The following DIP2C variants were observed in gnomAD, a reference collection of about 807,000 sequenced individuals.
DIP2C encodes disco-interacting protein 2 homolog C.
A neutral mutation model predicts 192.4 loss-of-function variants in DIP2C; 33 were observed. The observed-to-expected ratio is 0.17, with a 90% CI of 0.13 to 0.23. The LOEUF is 0.23. DIP2C is among the 10% of genes least tolerant of loss of function. The pLI is 1.00. For missense variants in DIP2C, 1,537 were observed against 2,110.1 expected (o/e 0.73, Z 5.32); for synonymous variants, 979 against 864.1 (o/e 1.13, Z -2.33).
At chr10:670,338 G>A (rs112944582) in intron 1 of DIP2C, among the ~76,000 whole-genome samples, 196 of 151,810 alleles carry the variant, frequency 1.3e-3, no homozygotes, top group African/African-American at 2.5e-3. Context: ...ACATGCGCAC[G>A]CGTACATGCA....
At chr10:384,720 A>G in intron 14 of DIP2C, 81 bp from the exon 15 acceptor site, 1 of 1,401,400 alleles carries the variant, frequency 7.1e-7, no homozygotes, top group Non-Finnish European at 1.0e-6. Context: ...CATGGACACT[A>G]GGCCGCACGG....
chr10:283,869 G>A (rs570898394), intron 34 of DIP2C, among the ~76,000 whole-genome samples: 2 of 152,092 alleles, frequency 1.3e-5, no homozygotes, highest in East Asian at 3.9e-4. Context: ...AATACTTTTG[G>A]ACATATATTG....
chr10:337,920 G>C (rs921456321), intron 29 of DIP2C, among the ~76,000 whole-genome samples: 2 of 149,424 alleles, frequency 1.3e-5, no homozygotes, highest in East Asian at 4.0e-4. Context: ...GGCCTAGGCT[G>C]ATGTGTATGT....
intron 1 of DIP2C, among the ~76,000 whole-genome samples, chr10:499,993 C>T (rs1263969992): frequency 6.6e-6 from 1 of 152,210 alleles, no homozygotes; most frequent in Non-Finnish European, 1.5e-5. Flanking sequence ...ACCCTAAGCC[C>T]AGCTCTTGCT....
chr10:351,237 C>T (rs922063236), intron 24 of DIP2C, among the ~76,000 whole-genome samples: 5 of 152,212 alleles, frequency 3.3e-5, no homozygotes, highest in African/African-American at 4.8e-5. Context: ...GGGAAAAGCA[C>T]GTCAGCCTCC....
chr10:285,153 CAAAAA>C (rs34031685), intron 34 of DIP2C, among the ~76,000 whole-genome samples: 5 of 124,564 alleles, frequency 4.0e-5, no homozygotes, highest in Admixed American at 8.2e-5. Flanking sequence ...AGTGAGGGGC[CAAAAA>C]AAAAAAAAAA....
In DIP2C at chr10:639,822, C is replaced by A. The variant is rs1033577817; in HGVS notation, c.85+49672G>T. On this transcript the variant is annotated intron_variant, in intron 1 of 36. Coordinates refer to ENST00000280886, the MANE Select transcript of DIP2C (RefSeq NM_014974.3). ...ACACAAATCAGCGACATCACTAGAACGTGTTTTGGACCACGAAAAGAAGGA... is the reference window on the plus strand; with the variant it reads ...ACACAAATCAGCGACATCACTAGAAAGTGTTTTGGACCACGAAAAGAAGGA... 6.6e-5 allele frequency among the ~76,000 whole-genome samples: 10 copies of A among 152,342 alleles called. No homozygotes were observed. The South Asian group carries it at 2.1e-3, about 32-fold the overall frequency.
intron 10 of DIP2C, among the ~76,000 whole-genome samples, chr10:394,423 T>TGG (rs1589693620): frequency 3.0e-5 from 2 of 66,588 alleles, no homozygotes; most frequent in Non-Finnish European, 5.9e-5. Context: ...GGACATTACA[T>TGG]CACACAGTGG....
At chr10:640,734 TGGGCGC>T (rs1855141571) in intron 1 of DIP2C, among the ~76,000 whole-genome samples, 1 of 2,140 alleles carries the variant, frequency 4.7e-4, no homozygotes, top group African/African-American at 1.2e-3. Context: ...GGGAAGAGGG[TGGGCGC>T]CGGGAAGAGG....
intron 3 of DIP2C, among the ~76,000 whole-genome samples, chr10:441,954 A>T (rs1259995077): frequency 1.5e-5 from 1 of 67,186 alleles, no homozygotes; most frequent in Non-Finnish European, 5.2e-5. Flanking sequence ...GACGGGGTAG[A>T]GAATTAAAGC....
intron 1 of DIP2C, among the ~76,000 whole-genome samples, chr10:540,508 TTC>T (rs930570922): frequency 6.6e-6 from 1 of 152,176 alleles, no homozygotes; most frequent in African/African-American, 2.4e-5. Context: ...TCCTTGCCCC[TTC>T]TCTCACTGAA....
intron 1 of DIP2C, among the ~76,000 whole-genome samples, chr10:532,489 G>A (rs991629788): frequency 1.3e-5 from 2 of 152,116 alleles, no homozygotes; most frequent in African/African-American, 4.8e-5. Context: ...AGAAGACCTC[G>A]TTTCTGTCCA....
In DIP2C at chr10:529,761, T is replaced by TC. The variant is rs112596927; in HGVS notation, c.86-43232dup. Among the ~76,000 whole-genome samples, 107 of 152,178 alleles carry TC rather than the reference T, an allele frequency of 7.0e-4. 1 individual carries two copies. The highest frequency in any genetic ancestry group is 2.3e-3 in the African/African-American group (97 of 41,558). ...GCAGTTACTTTGATAAATTCTCCCCTCCTGCTATGGAAAGGTTTAGCTTGC... is the reference window on the plus strand; with the variant it reads ...GCAGTTACTTTGATAAATTCTCCCCTCCCTGCTATGGAAAGGTTTAGCTTGC... On this transcript the variant is annotated intron_variant, in intron 1 of 36. Coordinates refer to ENST00000280886, the MANE Select transcript of DIP2C (RefSeq NM_014974.3).
chr10:470,936 G>GT (rs1320862971), intron 3 of DIP2C, among the ~76,000 whole-genome samples: 1 of 152,164 alleles, frequency 6.6e-6, no homozygotes, highest in African/African-American at 2.4e-5. Flanking sequence ...CACAGACAGG[G>GT]TGTCTGCATG....
intron 8 of DIP2C, 91 bp downstream of exon 8, chr10:413,822 G>T: frequency 6.7e-7 from 1 of 1,487,748 alleles, no homozygotes; most frequent in Non-Finnish European, 9.1e-7. Flanking sequence ...ATTACCTTAA[G>T]TGAGGATGTA....
intron 1 of DIP2C, among the ~76,000 whole-genome samples, chr10:507,591 C>A (rs535267356): frequency 2.0e-4 from 31 of 152,234 alleles, no homozygotes; most frequent in Non-Finnish European, 4.3e-4. Flanking sequence ...TGGTCATCAG[C>A]CAAGATTCCT....
At chr10:376,938 T>A (rs1427391539) in intron 17 of DIP2C, among the ~76,000 whole-genome samples, 1 of 152,148 alleles carries the variant, frequency 6.6e-6, no homozygotes, top group Non-Finnish European at 1.5e-5. Flanking sequence ...ACACAACAGA[T>A]AAGTGAGATT....
intron 36 of DIP2C, among the ~76,000 whole-genome samples, chr10:280,962 T>C (rs908084920): frequency 2.6e-5 from 4 of 152,152 alleles, no homozygotes; most frequent in African/African-American, 9.7e-5. Flanking sequence ...TGTTGTCAAG[T>C]AGTTTTCACG....
intron 24 of DIP2C, chr10:356,124 T>G: frequency 7.9e-6 from 4 of 507,290 alleles, no homozygotes; most frequent in Non-Finnish European, 1.4e-5. Flanking sequence ...AAAATAAAAA[T>G]GCAAATATCT....
Sources: allele counts gnomAD v4.1 joint callset (sites outside exome capture counted in the v4.1 genomes callset), GRCh38; gene constraint gnomAD v4.1.1; transcripts MANE v1.5; gene names NCBI Gene and HGNC (gene_info 2026-07-23, HGNC 2026-07-21).